LARP1: variants seen among roughly 807,000 people sequenced by gnomAD.
LARP1 encodes La ribonucleoprotein 1, translational regulator, also known as la-related protein 1.
In LARP1, 36 loss-of-function variants were observed where a neutral mutation model predicts 122.7. The ratio of observed to expected loss-of-function variants is 0.29; its 90% CI spans 0.22 to 0.39. The LOEUF is 0.39. LARP1 is among the 10% of genes least tolerant of loss of function. The probability of loss-of-function intolerance (pLI) is 1.00; values close to 1 mark genes in which losing one functional copy is unlikely to be tolerated. For missense variants in LARP1, 1,040 were observed against 1,403.6 expected (o/e 0.74, Z 4.14); for synonymous variants, 539 against 528.7 (o/e 1.02, Z -0.27).
rs1554078568 is a variant in LARP1, at chr5:154,693,869, A to AAAG, written c.-180+10834_-180+10835insGAA. Among the ~76,000 whole-genome samples the AAAG allele has an allele frequency of 2.7e-3, 395 of 146,064 alleles. 3 individuals carry two copies. Among genetic ancestry groups the AAAG allele is most frequent in the Non-Finnish European group, 4.0e-3 (267 of 67,462 alleles). On this transcript the variant is annotated intron_variant, in intron 1 of 18. Coordinates refer to the LARP1 transcript ENST00000687700. ...AGACTCCGTCTAAAAAAAAAAAAAAAAAAGAAAGAAAGTTCTTTTCTCACC... is the reference window on the plus strand; with the variant it reads ...AGACTCCGTCTAAAAAAAAAAAAAAAAAGAAAGAAAGAAAGTTCTTTTCTCACC...
intron 1 of LARP1, among the ~76,000 whole-genome samples, chr5:154,787,658 GT>G (rs1461966726): frequency 1.3e-5 from 2 of 152,136 alleles, no homozygotes; most frequent in African/African-American, 2.4e-5. Flanking sequence ...CTTTCTGGGG[GT>G]TTTTTTCTCC....
Position 154,811,269 on chromosome 5 carries a change from C to A in LARP1, c.2866C>A (p.Arg956=). 6.2e-7 allele frequency: 1 copy of A among 1,613,920 alleles called. No homozygotes were observed. Among genetic ancestry groups the A allele is most frequent in the South Asian group, 1.1e-5 (1 of 91,032 alleles). ...CAGATATGGTTTGGAGTGCCTTTTTCGATACTACAGTTATGGCCTGGAAAA... is the reference window on the plus strand; with the variant it reads ...CAGATATGGTTTGGAGTGCCTTTTTAGATACTACAGTTATGGCCTGGAAAA... ...GYRYGLECLF[R]YYSYGLEKKF... The change falls in exon 17 of 19, where the codon CGA becomes AGA. Residue 956 remains arginine (R), a synonymous_variant. Coordinates refer to ENST00000518297, the MANE Select transcript of LARP1 (RefSeq NM_033551.3).
rs147728579 is a variant in LARP1 at position 154,763,054 on chromosome 5, C to CTTT, written c.436+6877_436+6879dup. Among the ~76,000 whole-genome samples the CTTT allele has an allele frequency of 1.2e-3, 153 of 129,900 alleles. 1 individual carries two copies. Among genetic ancestry groups the CTTT allele is most frequent in the African/African-American group, 4.0e-3 (140 of 35,222 alleles). 85.2% of individuals were successfully genotyped at this position (129,900 alleles called of 152,430 possible). A position where few individuals can be genotyped will look rare whatever the true frequency, so the allele number is the denominator to read the frequency against. ...GCCCAAGTGATCTGCTGAGCAGATGCTTTTTTTTTTTTTTTTTTCTTTTTT... is the reference window on the plus strand; with the variant it reads ...GCCCAAGTGATCTGCTGAGCAGATGCTTTTTTTTTTTTTTTTTTTTTCTTTTTT... On this transcript the variant is annotated intron_variant, in intron 1 of 18. Transcript: ENST00000518297.
intron 4 of LARP1, among the ~76,000 whole-genome samples, chr5:154,793,381 G>A (rs1168496617): frequency 6.6e-6 from 1 of 152,142 alleles, no homozygotes; most frequent in African/African-American, 2.4e-5. Context: ...CACTGATCTT[G>A]GGAGTTAACG....
intron 1 of LARP1, among the ~76,000 whole-genome samples, chr5:154,737,890 C>G (rs926383465): frequency 5.9e-5 from 9 of 152,104 alleles, no homozygotes; most frequent in African/African-American, 2.2e-4. Flanking sequence ...CCTCAGCCCT[C>G]CCCTTCATAG....
At chr5:154,716,016 A>G (rs1458877353) in intron 1 of LARP1, among the ~76,000 whole-genome samples, 1 of 152,176 alleles carries the variant, frequency 6.6e-6, no homozygotes, top group Non-Finnish European at 1.5e-5. Flanking sequence ...TTATATGTCT[A>G]AATCTGGAGC....
chr5:154,758,219 T>C (rs1401333194), intron 1 of LARP1, among the ~76,000 whole-genome samples: 1 of 152,032 alleles, frequency 6.6e-6, no homozygotes, highest in African/African-American at 2.4e-5. Context: ...CCCTTGATAG[T>C]GTGCGTCACT....
intron 1 of LARP1, among the ~76,000 whole-genome samples, chr5:154,758,781 G>T (rs1224526719): frequency 1.3e-5 from 2 of 152,164 alleles, no homozygotes; most frequent in African/African-American, 4.8e-5. Context: ...TCAAATGTTG[G>T]TGTTTTAGTT....
chr5:154,694,052 C>G (rs973268142), intron 1 of LARP1, among the ~76,000 whole-genome samples: 9 of 151,844 alleles, frequency 5.9e-5, no homozygotes, highest in Non-Finnish European at 1.2e-4. Flanking sequence ...AGCAATCAGA[C>G]AAAGCCAGAA....
chr5:154,794,128 A>G lies in LARP1; in HGVS notation c.1098A>G (p.Arg366=), dbSNP rs1012909448. The G allele has an allele frequency of 6.2e-7, 1 of 1,614,058 alleles. No homozygotes were observed. Among genetic ancestry groups the G allele is most frequent in the South Asian group, 1.1e-5 (1 of 91,086 alleles). ...RTHFDYQFGY[R]KFDGVEGPRT... is the part of the protein sequence containing the mutation. ...ATTTTGACTACCAGTTTGGCTACCG[A>G]AAGTTTGATGGTGTGGAGGGGCCTC... The change falls in exon 7 of 19, where the codon CGA becomes CGG. Residue 366 remains arginine (R), a synonymous_variant. Transcript: ENST00000518297.
chr5:154,811,798 A>G (rs1759298941), intron 18 of LARP1, among the ~76,000 whole-genome samples, 158 bp downstream of exon 18: 1 of 152,040 alleles, frequency 6.6e-6, no homozygotes, highest in South Asian at 2.1e-4. Flanking sequence ...TAAAATGGAG[A>G]GTGAGTGGCC....
chr5:154,684,281 C>CA (rs1440478806), intron 1 of LARP1, among the ~76,000 whole-genome samples: 1 of 151,994 alleles, frequency 6.6e-6, no homozygotes, highest in East Asian at 1.9e-4. Context: ...CCTATCTCTA[C>CA]AAAAAAATTA....
intron 3 of LARP1, 61 bp from the exon 4 acceptor site, chr5:154,792,561 T>C (rs1757429154): frequency 6.7e-7 from 1 of 1,498,684 alleles, no homozygotes; most frequent in Admixed American, 1.8e-5. Context: ...AGGGAGTGCC[T>C]TCCCTCCTAT....
At chr5:154,715,166 C>T (rs1426612838) in intron 1 of LARP1, among the ~76,000 whole-genome samples, 2 of 150,488 alleles carry the variant, frequency 1.3e-5, no homozygotes, top group African/African-American at 2.4e-5. Flanking sequence ...GGCGACAGAG[C>T]GAGACTCTGT....
intron 1 of LARP1, among the ~76,000 whole-genome samples, chr5:154,724,890 C>A (rs564003862): frequency 1.8e-4 from 28 of 152,238 alleles, no homozygotes; most frequent in African/African-American, 6.7e-4. Flanking sequence ...TGGTCTCAAA[C>A]TCCTGAGCTC....
At chr5:154,776,261 C>G (rs985264507) in intron 1 of LARP1, among the ~76,000 whole-genome samples, 1 of 152,132 alleles carries the variant, frequency 6.6e-6, no homozygotes, top group Non-Finnish European at 1.5e-5. Flanking sequence ...CCTTCAGAAC[C>G]TTCATTCTTC....
chr5:154,750,863 T>G (rs1313327996), upstream of LARP1, among the ~76,000 whole-genome samples: 1 of 152,120 alleles, frequency 6.6e-6, no homozygotes. Context: ...TTCTCCCACC[T>G]TGGCCTCCCA....
At chr5:154,708,563 T>A (rs527733136), upstream of LARP1, among the ~76,000 whole-genome samples, 11 of 152,350 alleles carry the variant, frequency 7.2e-5, no homozygotes, top group South Asian at 6.2e-4. Context: ...GTTAAGGGCA[T>A]GTACTATAAT....
Position 154,755,631 on chromosome 5 carries a change from C to T in LARP1, c.-127C>T. On this transcript the variant is annotated 5_prime_UTR_variant, in exon 1 of 19. Coordinates refer to ENST00000518297, the MANE Select transcript of LARP1 (RefSeq NM_033551.3). ...GGGCCGCACCTCGCGTGAACCCCGA[C>T]CCTTCTCTGCAGGGACTGGGGCCCA... 6 of 987,438 alleles carry T rather than the reference C, an allele frequency of 6.1e-6. No homozygotes were observed. The highest frequency in any genetic ancestry group is 7.2e-6 in the Non-Finnish European group (6 of 830,036). The allele number at this position is 987,438 out of a possible 1,614,324, so 61.2% of individuals were successfully genotyped here. A position where few individuals can be genotyped will look rare whatever the true frequency, so the allele number is the denominator to read the frequency against.
Sources: allele counts gnomAD v4.1 joint callset (sites outside exome capture counted in the v4.1 genomes callset), GRCh38; gene constraint gnomAD v4.1.1; transcripts MANE v1.5; gene names NCBI Gene and HGNC (gene_info 2026-07-23, HGNC 2026-07-21).